PHLDB2: variants seen among roughly 807,000 people sequenced by gnomAD.
PHLDB2 encodes the protein pleckstrin homology like domain family B member 2, also known as pleckstrin homology-like domain family B member 2.
Under a neutral mutation model 123.6 loss-of-function variants are expected in PHLDB2, and 71 were observed. The observed-to-expected ratio is 0.57, with a 90% CI of 0.47 to 0.70. PHLDB2 has a LOEUF of 0.70. Ranked by LOEUF, PHLDB2 falls within the 30% of genes least tolerant of loss-of-function variation. The probability of loss-of-function intolerance (pLI) is 0.00; values close to 1 mark genes in which losing one functional copy is unlikely to be tolerated. For synonymous variants in PHLDB2, 547 were observed against 541.6 expected, an observed-to-expected ratio of 1.01 and a Z score of -0.14; for missense variants, 1,446 against 1,519.5, an observed-to-expected ratio of 0.95 and a Z score of 0.80.
intron 1 of PHLDB2, among the ~76,000 whole-genome samples, chr3:111,775,411 G>A (rs1267415216): frequency 6.6e-6 from 1 of 152,148 alleles, no homozygotes; most frequent in Non-Finnish European, 1.5e-5. Context: ...AGAAAAACTG[G>A]TTAGTCAAGA....
intron 1 of PHLDB2, among the ~76,000 whole-genome samples, chr3:111,862,121 C>T (rs1014187314): frequency 1.3e-5 from 2 of 152,254 alleles, no homozygotes; most frequent in African/African-American, 4.8e-5. Context: ...GGATTACAGG[C>T]ATGAGCCACC....
At chr3:111,733,661 C>G (rs1941581068) in intron 1 of PHLDB2, among the ~76,000 whole-genome samples, 3 of 152,164 alleles carry the variant, frequency 2.0e-5, no homozygotes. Context: ...TTGAGTGATT[C>G]TTGAGGAAGA....
At chr3:111,847,872 G>T (rs1474730689) in intron 2 of PHLDB2, among the ~76,000 whole-genome samples, 1 of 152,150 alleles carries the variant, frequency 6.6e-6, no homozygotes, top group Admixed American at 6.5e-5. Context: ...TTGGTAATAG[G>T]GGTTGAGGAG....
chr3:111,775,338 C>A (rs2060249845), intron 1 of PHLDB2, among the ~76,000 whole-genome samples: 1 of 152,088 alleles, frequency 6.6e-6, no homozygotes, highest in Admixed American at 6.6e-5. Flanking sequence ...ACTTCCCCCA[C>A]CGATTAAACA....
intron 1 of PHLDB2, among the ~76,000 whole-genome samples, chr3:111,748,263 G>A (rs1214814316): frequency 6.6e-6 from 1 of 152,156 alleles, no homozygotes; most frequent in African/African-American, 2.4e-5. Flanking sequence ...CCCTCCATCA[G>A]AGGCACCAAC....
At chr3:111,869,381 T>A (rs2108692761) in intron 1 of PHLDB2, among the ~76,000 whole-genome samples, 1 of 152,146 alleles carries the variant, frequency 6.6e-6, no homozygotes, top group East Asian at 1.9e-4. Context: ...ATCCTTTGAG[T>A]CTTTTGTTCT....
At chr3:111,839,966 C>CTTTTTTTTTTT (rs1559861765) in intron 1 of PHLDB2, among the ~76,000 whole-genome samples, 1 of 4,242 alleles carries the variant, frequency 2.4e-4, no homozygotes, top group African/African-American at 5.3e-4. Flanking sequence ...TTTTTTTTTG[C>CTTTTTTTTTTT]GCCAAGTGTG....
chr3:111,940,587 A>G lies in PHLDB2; in HGVS notation c.2339A>G (p.Gln780Arg), dbSNP rs755513961. Residue 780 changes from glutamine to arginine, a missense_variant, in exon 8 of 18, where the codon CAG becomes CGG. Gln to Arg is a conservative substitution (Grantham distance 43). Coordinates refer to ENST00000431670, the MANE Select transcript of PHLDB2 (RefSeq NM_001134438.2). Reference sequence around the variant, plus strand: ...GCCAATCACATTGTTCAGCAGGCTCAGAGAGAGCAAGATCATTTTGTGAAA... The same window carrying G: ...GCCAATCACATTGTTCAGCAGGCTCGGAGAGAGCAAGATCATTTTGTGAAA... ...KQANHIVQQA[Q>R]REQDHFVKEK... is the part of the protein sequence containing the mutation. 1 of 1,605,748 alleles carries G rather than the reference A, an allele frequency of 6.2e-7. No individual in the cohort carries two copies. The highest frequency in any genetic ancestry group is 1.7e-5 in the Admixed American group (1 of 58,838).
chr3:111,939,914 A>G (rs1159861359), intron 7 of PHLDB2, among the ~76,000 whole-genome samples: 4 of 152,254 alleles, frequency 2.6e-5, no homozygotes, highest in East Asian at 3.8e-4. Context: ...TTTTGCAATC[A>G]TAGTAACTGG....
chr3:111,944,329 T>A (rs1277026184), intron 8 of PHLDB2, among the ~76,000 whole-genome samples: 1 of 152,044 alleles, frequency 6.6e-6, no homozygotes, highest in Non-Finnish European at 1.5e-5. Context: ...TTCAAACTCA[T>A]AAATTTATAT....
In PHLDB2 at chr3:111,962,234, C is replaced by A; in HGVS notation, c.2999C>A (p.Ala1000Asp). 6.3e-7 allele frequency: 1 copy of A among 1,580,536 alleles called. No homozygotes were observed. The highest frequency in any genetic ancestry group is 8.5e-7 in the Non-Finnish European group (1 of 1,171,010). ...HYPDHSYKDQ[A>D]FDTLSLDSSD... is the part of the protein sequence containing the mutation. ...CCAGATCACAGCTACAAGGACCAGGCCTTTGATACTCTGAGCCTCGATAGC... is the reference window on the plus strand; with the variant it reads ...CCAGATCACAGCTACAAGGACCAGGACTTTGATACTCTGAGCCTCGATAGC... Residue 1000 changes from alanine to aspartate, a missense_variant, in exon 13 of 18, where the codon GCC becomes GAC. Ala to Asp is a moderately radical substitution (Grantham distance 126). This residue lies in a region of PHLDB2 where 594 missense variants were observed against 646.0 expected (regional missense o/e 0.92). Coordinates refer to ENST00000431670, the MANE Select transcript of PHLDB2 (RefSeq NM_001134438.2).
chr3:111,946,821 A>G (rs746955787), intron 9 of PHLDB2, among the ~76,000 whole-genome samples: 2 of 152,226 alleles, frequency 1.3e-5, no homozygotes, highest in Non-Finnish European at 2.9e-5. Flanking sequence ...CTACTGGATC[A>G]TAAAAAGTAA....
chr3:111,817,096 A>T (rs1227494163), intron 1 of PHLDB2, among the ~76,000 whole-genome samples: 2 of 152,224 alleles, frequency 1.3e-5, no homozygotes, highest in Admixed American at 6.5e-5. Flanking sequence ...CTGTAAGTCC[A>T]ATAAACCTAT....
intron 1 of PHLDB2, among the ~76,000 whole-genome samples, chr3:111,795,168 T>C (rs536445999): frequency 6.6e-6 from 1 of 152,194 alleles, no homozygotes; most frequent in African/African-American, 2.4e-5. Context: ...AAGAAGTTCC[T>C]CAACCCTCAG....
intron 1 of PHLDB2, among the ~76,000 whole-genome samples, chr3:111,838,266 G>T (rs1386589122): frequency 6.6e-6 from 1 of 152,112 alleles, no homozygotes; most frequent in Non-Finnish European, 1.5e-5. Context: ...CTCCTGATCG[G>T]CTGGGACTAT....
At chr3:111,738,735 G>A (rs139029896) in intron 1 of PHLDB2, among the ~76,000 whole-genome samples, 2,139 of 152,246 alleles carry the variant, frequency 0.014, 28 homozygotes, top group South Asian at 0.049. Flanking sequence ...GTAAATATTT[G>A]TTGGTGATAC....
chr3:111,791,881 A>G (rs1195305387), intron 1 of PHLDB2, among the ~76,000 whole-genome samples: 3 of 152,194 alleles, frequency 2.0e-5, no homozygotes, highest in Non-Finnish European at 4.4e-5. Context: ...ATTGTTAACT[A>G]TAGTCACCCT....
intron 2 of PHLDB2, chr3:111,911,801 A>G (rs1188116732): frequency 4.1e-6 from 5 of 1,214,860 alleles, no homozygotes; most frequent in Admixed American, 4.0e-5. Context: ...TTGGGGGATT[A>G]CTTTAGAGGG....
At chr3:111,913,815 A>C (rs2068014618) in intron 3 of PHLDB2, 113 bp downstream of exon 3, 2 of 1,373,154 alleles carry the variant, frequency 1.5e-6, no homozygotes, top group Admixed American at 2.3e-5. Context: ...TTTCAGTGAA[A>C]TTTCAATTTA....
Sources: gnomAD v4.1 joint callset for allele counts (sites outside exome capture counted in the v4.1 genomes callset) on GRCh38, gnomAD v4.1.1 for gene constraint, gnomAD v4.1.1 regional missense constraint, MANE v1.5 for transcripts, NCBI Gene and HGNC (gene_info 2026-07-23, HGNC 2026-07-21) for gene names.